WDR46: variants seen among roughly 807,000 people sequenced by gnomAD.
WDR46 encodes WD repeat-containing protein 46.
In WDR46, 58 loss-of-function variants were observed where a neutral mutation model predicts 74.7. That is an observed-to-expected ratio of 0.78 (90% CI 0.63 to 0.97). The LOEUF (loss-of-function observed/expected upper bound fraction) is 0.97, where lower values mean the gene tolerates loss of function less well. WDR46 is among the 50% of genes least tolerant of loss of function. WDR46 has a pLI of 0.00. For synonymous variants in WDR46, 278 were observed against 297.3 expected (o/e 0.93, Z 0.67); for missense variants, 702 against 790.1 (o/e 0.89, Z 1.34).
chr6:33,287,023 C>T, intron 9 of WDR46, 68 bp downstream of exon 9: 1 of 1,591,504 alleles, frequency 6.3e-7, no homozygotes, highest in African/African-American at 1.4e-5. Flanking sequence ...TTAAGGGACT[C>T]ATGAAGTACA....
intron 12 of WDR46, 89 bp downstream of exon 12, chr6:33,280,339 A>C: frequency 7.2e-7 from 1 of 1,388,114 alleles, no homozygotes; most frequent in Non-Finnish European, 9.9e-7. Context: ...TTCTCCAGGA[A>C]GGAGGAACCT....
Position 33,279,118 on chromosome 6 carries a change from CG to C in WDR46, c.*157del. 1.0e-6 allele frequency: 1 copy of C among 985,024 alleles called. No individual in the cohort carries two copies. The highest frequency in any genetic ancestry group is 2.4e-5 in the East Asian group (1 of 41,150). 61.0% of individuals were successfully genotyped at this position (985,024 alleles called of 1,614,324 possible). A position where few individuals can be genotyped will look rare whatever the true frequency, so the allele number is the denominator to read the frequency against. On this transcript the variant is annotated 3_prime_UTR_variant, in exon 15 of 15. Coordinates refer to ENST00000374617, the MANE Select transcript of WDR46 (RefSeq NM_005452.6). ...GATCCAGACACATTATCCAAAAAAT[CG>C]CTTTCCTCTTTAATACCAACCCACC...
intron 7 of WDR46, 39 bp downstream of exon 7, chr6:33,287,575 A>G (rs777861935): frequency 2.5e-6 from 4 of 1,613,662 alleles, no homozygotes; most frequent in Non-Finnish European, 3.4e-6. Context: ...GGAATGGACT[A>G]TCTCACCCCA....
chr6:33,287,671 C>A lies in WDR46; in HGVS notation c.671G>T (p.Trp224Leu). The change falls in exon 7 of 15, where the codon TGG (tryptophan) becomes TTG (leucine). Residue 224 changes from tryptophan to leucine, a missense_variant. Transcript: ENST00000374617. ...GRRGHVAALD[W>L]VTKKLMCEIN... ...CTCGCACATAAGCTTCTTTGTTACC[C>A]AATCAAGGGCAGCCACATGACCTCG... 1 of 1,613,980 alleles carries A rather than the reference C, an allele frequency of 6.2e-7. No individual in the cohort carries two copies. The highest frequency in any genetic ancestry group is 8.5e-7 in the Non-Finnish European group (1 of 1,180,012).
chr6:33,288,026 G>A lies in WDR46; in HGVS notation c.562C>T (p.His188Tyr). The A allele has an allele frequency of 1.9e-6, 3 of 1,614,140 alleles. No homozygotes were observed. The highest frequency in any genetic ancestry group is 2.5e-6 in the Non-Finnish European group (3 of 1,180,030). The change falls in exon 6 of 15, where the codon CAC becomes TAC. Residue 188 changes from histidine to tyrosine, a missense_variant and splice_region_variant. Coordinates refer to ENST00000374617, the MANE Select transcript of WDR46 (RefSeq NM_005452.6). ...EAVDIASAAKHFDLNLRQFGP... is the reference protein window; with the variant it reads ...EAVDIASAAKYFDLNLRQFGP... ...AACTGCCGCAGATTCAAGTCAAAGT[G>A]CTGGGAAAGAGAAGAGTGAAAAAAA...
At chr6:33,280,140 G>A (rs1766008415) in intron 12 of WDR46, among the ~76,000 whole-genome samples, 1 of 145,956 alleles carries the variant, frequency 6.9e-6, no homozygotes, top group South Asian at 2.2e-4. Flanking sequence ...CTCTCCAGCA[G>A]AGGGAAACCT....
intron 10 of WDR46, 62 bp downstream of exon 10, chr6:33,286,733 C>T: frequency 3.3e-6 from 5 of 1,521,220 alleles, no homozygotes; most frequent in Non-Finnish European, 3.6e-6. Context: ...CTAAAGCACA[C>T]TGCCTTCCAC....
chr6:33,289,184 A>C lies in WDR46; in HGVS notation c.-14T>G, dbSNP rs751987779. ...GGCTGTCTCCATCTCGCCCACCCGA[A>C]CGGCGATCCACGTGCAAAACTCCTC... On this transcript the variant is annotated 5_prime_UTR_variant, in exon 1 of 15. Transcript: ENST00000374617. The C allele has an allele frequency of 6.2e-6, 10 of 1,604,568 alleles. No individual in the cohort carries two copies. Among genetic ancestry groups the C allele is most frequent in the Non-Finnish European group, 8.5e-6 (10 of 1,175,912 alleles).
At position 33,287,381 on chromosome 6, in the gene WDR46, G is replaced by C; in HGVS notation, c.853C>G (p.Pro285Ala). Residue 285 changes from proline to alanine, a missense_variant, in exon 8 of 15, where the codon CCC (proline) becomes GCC (alanine). By Grantham distance (27) the Pro-to-Ala change is conservative. Coordinates refer to ENST00000374617, the MANE Select transcript of WDR46 (RefSeq NM_005452.6). Reference protein sequence around the residue: ...CDRVTRLEFLPFHFLLATASE... With the variant: ...CDRVTRLEFLAFHFLLATASE... Reference sequence around the variant, plus strand: ...GCTGTAGCCAGGAGGAAGTGGAAGGGCAGGAACTCAAGCCGTGTTACTCGG... The same window carrying C: ...GCTGTAGCCAGGAGGAAGTGGAAGGCCAGGAACTCAAGCCGTGTTACTCGG... 1 of 1,612,554 alleles carries C rather than the reference G, an allele frequency of 6.2e-7. No individual in the cohort carries two copies. Among genetic ancestry groups the C allele is most frequent in the Non-Finnish European group, 8.5e-7 (1 of 1,179,822 alleles).
rs1195193592 is a variant in WDR46, at chr6:33,288,623, T to C, written c.351A>G (p.Lys117=). 1.2e-6 allele frequency: 2 copies of C among 1,612,736 alleles called. No individual in the cohort carries two copies. The highest frequency in any genetic ancestry group is 4.5e-5 in the East Asian group (2 of 44,826). ...TCCGGCTGGACCTCACCTTTCGGGA[T>C]TTGTCAATGCGACAGAACTTCTGGA... is the stretch of plus-strand genomic sequence containing the variant. ...EVVQKFCRID[K]SRKLPHSKAK... The change falls in exon 3 of 15, where the codon AAA becomes AAG. Residue 117 remains lysine (K), a synonymous_variant. Transcript: ENST00000374617.
intron 10 of WDR46, chr6:33,284,534 C>A (rs1192596936): frequency 6.5e-6 from 1 of 153,810 alleles, no homozygotes; most frequent in Non-Finnish European, 1.5e-5. Context: ...GAACGATCAT[C>A]TTGAATGACA....
chr6:33,288,731 G>C, intron 2 of WDR46, 37 bp from the exon 3 acceptor site: 1 of 1,613,126 alleles, frequency 6.2e-7, no homozygotes, highest in Non-Finnish European at 8.5e-7. Context: ...AGACAGCCTT[G>C]GATTGACCCC....
In WDR46 at chr6:33,288,660, G is replaced by T; in HGVS notation, c.314C>A (p.Pro105His). 6.2e-7 allele frequency: 1 copy of T among 1,613,366 alleles called. No individual in the cohort carries two copies. Among genetic ancestry groups the T allele is most frequent in the Non-Finnish European group, 8.5e-7 (1 of 1,179,628 alleles). Reference protein sequence around the residue: ...QDPFPGPAPVPVEVVQKFCRI... With the variant: ...QDPFPGPAPVHVEVVQKFCRI... ...ACAGAACTTCTGGACCACTTCCACA[G>T]GGACGGGGGCGGGGCCTGGGAATGG... Residue 105 changes from proline (P) to histidine (H), a missense_variant, in exon 3 of 15, where the codon CCT becomes CAT. By Grantham distance (77) the Pro-to-His change is moderately conservative. Coordinates refer to ENST00000374617, the MANE Select transcript of WDR46 (RefSeq NM_005452.6).
intron 10 of WDR46, among the ~76,000 whole-genome samples, chr6:33,286,447 A>C (rs537789280): frequency 6.7e-6 from 1 of 149,946 alleles, no homozygotes; most frequent in East Asian, 1.9e-4. Flanking sequence ...ACTCCATCTC[A>C]AAAAAAAAAG....
chr6:33,280,930 C>T lies in WDR46; in HGVS notation c.1173G>A (p.Thr391=), dbSNP rs1458600283. 3.7e-6 allele frequency: 6 copies of T among 1,613,938 alleles called. No homozygotes were observed. Among genetic ancestry groups the T allele is most frequent in the East Asian group, 4.5e-5 (2 of 44,878 alleles). Residue 391 remains threonine, a synonymous_variant, in exon 11 of 15, where the codon ACG becomes ACA. Transcript: ENST00000374617. The part of the protein sequence containing the change: ...HQLKIFDLRG[T]YQPLSTRTLP... ...GGGTCCGAGTGCTCAGAGGCTGGTA[C>T]GTCCCTCGCAAGTCAAAGATCTTCA...
Position 33,280,377 on chromosome 6 carries a change from C to T in WDR46, c.1524+51G>A, listed in dbSNP as rs532224839. On this transcript the variant is annotated intron_variant, in intron 12 of 14. Transcript: ENST00000374617. ...CCCTCTCCAGGACGGGGGAACCTGA[C>T]CCTCTCCAGCAATGGGGGGGATCTC... 533 of 1,541,248 alleles carry T rather than the reference C, an allele frequency of 3.5e-4. 11 individuals carry two copies. In the South Asian group the frequency reaches 6.1e-3, roughly 18 times the overall value.
At chr6:33,281,204 G>A (rs1766154269) in intron 10 of WDR46, among the ~76,000 whole-genome samples, 1 of 152,210 alleles carries the variant, frequency 6.6e-6, no homozygotes, top group Non-Finnish European at 1.5e-5. Context: ...CTGAAGCTCA[G>A]GGAAAGGAAA....
chr6:33,283,204 G>A (rs192412340), intron 10 of WDR46, among the ~76,000 whole-genome samples: 77 of 151,318 alleles, frequency 5.1e-4, no homozygotes, highest in African/African-American at 1.8e-3. Context: ...GTGAGACTCC[G>A]TCTCAAAAAA....
In WDR46 at chr6:33,287,370, G is replaced by A; in HGVS notation, c.864C>T (p.Phe288=). Reference sequence around the variant, plus strand: ...GGCCACTCACAGCTGTAGCCAGGAGGAAGTGGAAGGGCAGGAACTCAAGCC... The same window carrying A: ...GGCCACTCACAGCTGTAGCCAGGAGAAAGTGGAAGGGCAGGAACTCAAGCC... ...VTRLEFLPFH[F]LLATASETGF... The change falls in exon 8 of 15, where the codon TTC becomes TTT. Residue 288 remains phenylalanine, a synonymous_variant. Transcript: ENST00000374617. The A allele has an allele frequency of 6.2e-7, 1 of 1,612,776 alleles. No individual in the cohort carries two copies. The highest frequency in any genetic ancestry group is 8.5e-7 in the Non-Finnish European group (1 of 1,179,850).
Sources: gnomAD v4.1 joint callset for allele counts (sites outside exome capture counted in the v4.1 genomes callset) on GRCh38, gnomAD v4.1.1 for gene constraint, MANE v1.5 for transcripts, NCBI Gene and HGNC (gene_info 2026-07-23, HGNC 2026-07-21) for gene names.